Variants in SEPTIN9 observed in about 807,000 individuals in gnomAD.
SEPTIN9 encodes septin 9, also known as septin-9.
In SEPTIN9, 13 loss-of-function variants were observed where a neutral mutation model predicts 56.6. The observed-to-expected ratio is 0.23, with a 90% CI of 0.15 to 0.37. SEPTIN9 has a LOEUF of 0.37. SEPTIN9 is among the 10% of genes least tolerant of loss of function. The pLI is 1.00. For synonymous variants in SEPTIN9, 332 were observed against 334.1 expected (o/e 0.99, Z 0.07); for missense variants, 650 against 823.1 (o/e 0.79, Z 2.57).
chr17:77,348,490 G>A (rs578037269), intron 2 of SEPTIN9, among the ~76,000 whole-genome samples: 95 of 151,994 alleles, frequency 6.3e-4, no homozygotes, highest in South Asian at 2.1e-3. Context: ...AGTAAAGACG[G>A]GGTTTCACCA....
chr17:77,406,315 C>A (rs941580116), intron 3 of SEPTIN9, among the ~76,000 whole-genome samples: 1 of 152,170 alleles, frequency 6.6e-6, no homozygotes, highest in East Asian at 1.9e-4. Context: ...ACCTCCTGAA[C>A]CCTGACCTCT....
In SEPTIN9 at chr17:77,450,069, C is replaced by A; in HGVS notation, c.722-32075C>A. On this transcript the variant is annotated intron_variant, in intron 3 of 11. Coordinates refer to ENST00000427177, the MANE Select transcript of SEPTIN9 (RefSeq NM_001113491.2). This position sits in a 1 kb window ranked among gnomAD's most constrained non-coding sequence, Gnocchi z 6.0. ...AGACACTCCCCCGGCTCTGGCCTGG[C>A]GCCCGGAGACCAGTAGCAGCAGCTC... 6.6e-6 allele frequency among the ~76,000 whole-genome samples: 1 copy of A among 152,348 alleles called. No individual in the cohort carries two copies. Among genetic ancestry groups the A allele is most frequent in the South Asian group, 2.1e-4 (1 of 4,830 alleles).
At chr17:77,416,576 G>T (rs979266620) in intron 3 of SEPTIN9, among the ~76,000 whole-genome samples, 1 of 152,168 alleles carries the variant, frequency 6.6e-6, no homozygotes, top group Non-Finnish European at 1.5e-5. Context: ...GTGAGGATGC[G>T]GTGGGAGGAA....
At position 77,405,131 on chromosome 17, in the gene SEPTIN9, TG is replaced by T. The variant is rs1182093617; in HGVS notation, c.721+2433del. On this transcript the variant is annotated intron_variant, in intron 3 of 11. Coordinates refer to ENST00000427177, the MANE Select transcript of SEPTIN9 (RefSeq NM_001113491.2). The surrounding 1 kb of genome is among the most constrained non-coding windows in gnomAD (Gnocchi z 5.8). ...ATGCACAGGGACGTGGTCCTGGCTC[TG>T]GGGGACAGGTAGGGGGATGTCCATG... is the stretch of plus-strand genomic sequence containing the variant. 6 of 1,535,032 alleles carry T rather than the reference TG, an allele frequency of 3.9e-6. No homozygotes were observed. The African/African-American group carries it at 8.2e-5, about 21-fold the overall frequency.
intron 3 of SEPTIN9, among the ~76,000 whole-genome samples, chr17:77,427,578 G>A (rs2036960584): frequency 6.6e-6 from 1 of 152,242 alleles, no homozygotes; most frequent in Non-Finnish European, 1.5e-5. Context: ...CTCATACACT[G>A]TATTGAGATG....
intron 2 of SEPTIN9, among the ~76,000 whole-genome samples, chr17:77,399,273 C>T (rs917172522): frequency 3.9e-5 from 6 of 152,212 alleles, no homozygotes; most frequent in African/African-American, 1.4e-4. Flanking sequence ...GGAGGGGGTT[C>T]ACCGGATCTC....
intron 1 of SEPTIN9, among the ~76,000 whole-genome samples, chr17:77,304,841 G>C (rs750631523): frequency 1.3e-5 from 2 of 152,138 alleles, no homozygotes; most frequent in Non-Finnish European, 2.9e-5. Flanking sequence ...TATGCAGTGC[G>C]GCTTCCAGTC....
chr17:77,418,215 C>T (rs529436296), intron 3 of SEPTIN9, among the ~76,000 whole-genome samples: 4 of 152,288 alleles, frequency 2.6e-5, no homozygotes, highest in East Asian at 1.9e-4. Context: ...CTCGGAGTCC[C>T]GCTCCGGTTC....
At chr17:77,465,999 G>C (rs1354147844) in intron 3 of SEPTIN9, among the ~76,000 whole-genome samples, 1 of 151,278 alleles carries the variant, frequency 6.6e-6, no homozygotes, top group Non-Finnish European at 1.5e-5. Context: ...CAGGTGGGCA[G>C]GTCTCCCAGG....
At chr17:77,354,127 A>G (rs955005881) in intron 2 of SEPTIN9, among the ~76,000 whole-genome samples, 5 of 151,962 alleles carry the variant, frequency 3.3e-5, no homozygotes, top group Non-Finnish European at 7.4e-5. Flanking sequence ...CTTGTGTCTT[A>G]TTTTTTACTT....
intron 2 of SEPTIN9, chr17:77,376,317 T>C: frequency 1.0e-6 from 1 of 985,856 alleles, no homozygotes; most frequent in Non-Finnish European, 1.2e-6. Context: ...CTGGAGTGGC[T>C]GGGAATGGGC....
chr17:77,445,863 C>G lies in SEPTIN9; in HGVS notation c.722-36281C>G, dbSNP rs1021550055. On this transcript the variant is annotated intron_variant, in intron 3 of 11. Coordinates refer to ENST00000427177, the MANE Select transcript of SEPTIN9 (RefSeq NM_001113491.2). The surrounding 1 kb of genome is among the most constrained non-coding windows in gnomAD (Gnocchi z 4.7). ...GACAGGTGGACATGTGGCAAGGACA[C>G]CTTGGGACCTTCTTTCTGACGCCCC... is the stretch of plus-strand genomic sequence containing the variant. The G allele has an allele frequency of 5.7e-6, 1 of 175,618 alleles. No individual in the cohort carries two copies. The highest frequency in any genetic ancestry group is 5.9e-5 in the Admixed American group (1 of 17,008). 10.9% of individuals were successfully genotyped at this position (175,618 alleles called of 1,614,324 possible). A position where few individuals can be genotyped will look rare whatever the true frequency, so the allele number is the denominator to read the frequency against.
intron 3 of SEPTIN9, among the ~76,000 whole-genome samples, chr17:77,448,772 C>T (rs1423919350): frequency 1.3e-5 from 2 of 151,738 alleles, no homozygotes; most frequent in African/African-American, 4.8e-5. Context: ...TTAATGATTT[C>T]CTTTTTCTTT....
At chr17:77,415,658 A>G (rs534494249) in intron 3 of SEPTIN9, among the ~76,000 whole-genome samples, 7 of 152,052 alleles carry the variant, frequency 4.6e-5, no homozygotes, top group Admixed American at 1.3e-4. Flanking sequence ...AAAAAAAGAA[A>G]TCTCCAGTGC....
intron 3 of SEPTIN9, among the ~76,000 whole-genome samples, chr17:77,467,449 G>A (rs2038792012): frequency 6.6e-6 from 1 of 152,172 alleles, no homozygotes; most frequent in South Asian, 2.1e-4. Flanking sequence ...TGGGGTTGGG[G>A]AGTGGGCGGG....
intron 3 of SEPTIN9, among the ~76,000 whole-genome samples, chr17:77,478,295 G>A (rs2039306663): frequency 6.6e-6 from 1 of 151,998 alleles, no homozygotes; most frequent in Admixed American, 6.5e-5. Flanking sequence ...CAAGTGCTCA[G>A]AAGTCACTTG....
rs555234278 is a variant in SEPTIN9 at position 77,337,627 on chromosome 17, G to C, written c.76+30430G>C. Among the ~76,000 whole-genome samples, 8 of 152,002 alleles carry C rather than the reference G, an allele frequency of 5.3e-5. No individual in the cohort carries two copies. The South Asian group carries it at 1.5e-3, about 28-fold the overall frequency. On this transcript the variant is annotated intron_variant, in intron 2 of 11. Coordinates refer to ENST00000427177, the MANE Select transcript of SEPTIN9 (RefSeq NM_001113491.2). Reference sequence around the variant, plus strand: ...CCACCAAGAAAACCGTCTGGACCTAGAATTTTCTACTAGGAAAGGTGATTG... The same window carrying C: ...CCACCAAGAAAACCGTCTGGACCTACAATTTTCTACTAGGAAAGGTGATTG...
rs1833574203 is a variant in SEPTIN9, at chr17:77,437,402, G to A, written c.721+34699G>A. 6.6e-6 allele frequency among the ~76,000 whole-genome samples: 1 copy of A among 152,066 alleles called. No individual in the cohort carries two copies. On this transcript the variant is annotated intron_variant, in intron 3 of 11. Transcript: ENST00000427177. The surrounding 1 kb of genome is among the most constrained non-coding windows in gnomAD (Gnocchi z 5.3). ...AAGCCGGAATGGACCTGGGCTCAGA[G>A]ATTGTAAATTCATCTTGCTGGATGT... is the stretch of plus-strand genomic sequence containing the variant.
chr17:77,412,113 G>A (rs868630065), intron 3 of SEPTIN9, among the ~76,000 whole-genome samples: 7 of 140,676 alleles, frequency 5.0e-5, no homozygotes, highest in Middle Eastern at 4.0e-3. Flanking sequence ...CTGGGTGACA[G>A]AGCGAGACTC....
Sources: gnomAD v4.1 joint callset for allele counts (sites outside exome capture counted in the v4.1 genomes callset) on GRCh38, gnomAD v4.1.1 for gene constraint, Gnocchi (gnomAD v3.1) non-coding constraint, MANE v1.5 for transcripts, NCBI Gene and HGNC (gene_info 2026-07-23, HGNC 2026-07-21) for gene names.